Variants in AKAP9 observed in about 807,000 individuals in gnomAD.
AKAP9 encodes the protein A-kinase anchor protein 9.
In AKAP9, 311 loss-of-function variants were observed where a neutral mutation model predicts 488.5. The ratio of observed to expected loss-of-function variants is 0.64; its 90% CI spans 0.58 to 0.70. The LOEUF (loss-of-function observed/expected upper bound fraction) is 0.70. AKAP9 is among the 30% of genes least tolerant of loss of function. The probability of loss-of-function intolerance (pLI) is 0.00; values close to 1 mark genes in which losing one functional copy is unlikely to be tolerated. For synonymous variants in AKAP9, 1,462 were observed against 1,483.5 expected, an observed-to-expected ratio of 0.99 and a Z score of 0.33; for missense variants, 4,215 against 4,374.5, an observed-to-expected ratio of 0.96 and a Z score of 1.03.
chr7:91,971,333 A>G (rs1310805232), intron 1 of AKAP9, among the ~76,000 whole-genome samples: 2 of 152,186 alleles, frequency 1.3e-5, no homozygotes, highest in South Asian at 2.1e-4. Context: ...TTTATAAAAA[A>G]CTTTTAATCT....
intron 39 of AKAP9, among the ~76,000 whole-genome samples, chr7:92,093,629 T>G (rs142431066): frequency 8.5e-5 from 13 of 152,108 alleles, no homozygotes; most frequent in African/African-American, 3.1e-4. Flanking sequence ...GAATTCATGA[T>G]TGAGTGAGCT....
rs1389939871 is a variant in AKAP9, at chr7:92,016,157, A to G, written c.3641A>G (p.Tyr1214Cys). 6.2e-7 allele frequency: 1 copy of G among 1,604,362 alleles called. No homozygotes were observed. The highest frequency in any genetic ancestry group is 8.5e-7 in the Non-Finnish European group (1 of 1,171,840). The stretch of plus-strand genomic sequence containing the variant: ...TTATGCAGTGTCCTTGGTGAATATT[A>G]TACTCCTGCTTTAAAATGTGAAGTA... ...QTLCSVLGEYYTPALKCEVNA... is the reference protein window; with the variant it reads ...QTLCSVLGEYCTPALKCEVNA... The change falls in exon 11 of 50, where the codon TAT (tyrosine) becomes TGT (cysteine). Residue 1214 changes from tyrosine (Y) to cysteine (C), a missense_variant. Physicochemically the swap from Tyr to Cys is radical, Grantham distance 194. This residue lies in a region of AKAP9 where 2,361 missense variants were observed against 2,430.0 expected (regional missense o/e 0.97). Coordinates refer to ENST00000356239, the MANE Select transcript of AKAP9 (RefSeq NM_005751.5).
In AKAP9 at chr7:92,085,535, T is replaced by C; in HGVS notation, c.8873T>C (p.Leu2958Pro). The change falls in exon 36 of 50, where the codon CTT becomes CCT. Residue 2958 changes from leucine (L) to proline (P), a missense_variant. Physicochemically the swap from Leu to Pro is moderately conservative, Grantham distance 98 (BLOSUM62 -3). Transcript: ENST00000356239. Reference protein sequence around the residue: ...RAVHNEGMQVLSLTESPYSDG... With the variant: ...RAVHNEGMQVPSLTESPYSDG... ...GTCCATAATGAAGGCATGCAGGTGC[T>C]TTCTCTCACTGAGTCTCCCTATAGT... is the stretch of plus-strand genomic sequence containing the variant. The C allele has an allele frequency of 6.2e-7, 1 of 1,614,092 alleles. No individual in the cohort carries two copies. The highest frequency in any genetic ancestry group is 1.3e-5 in the African/African-American group (1 of 75,026).
intron 8 of AKAP9, among the ~76,000 whole-genome samples, chr7:92,010,334 T>G (rs891605566): frequency 6.6e-6 from 1 of 152,246 alleles, no homozygotes; most frequent in African/African-American, 2.4e-5. Context: ...CCTTTGATCA[T>G]TCGCAGGACT....
chr7:92,024,709 C>G (rs1364751406), intron 14 of AKAP9, among the ~76,000 whole-genome samples: 2 of 152,042 alleles, frequency 1.3e-5, no homozygotes, highest in Admixed American at 1.3e-4. Flanking sequence ...CTCTATAAAA[C>G]CCTCAGAGAT....
chr7:91,979,430 C>T (rs1358130388), intron 2 of AKAP9, among the ~76,000 whole-genome samples: 1 of 152,084 alleles, frequency 6.6e-6, no homozygotes, highest in Non-Finnish European at 1.5e-5. Context: ...ACTTATCTCC[C>T]ACCAGGTCTC....
At chr7:92,030,036 A>AT (rs759300255) in intron 15 of AKAP9, 45 bp downstream of exon 15, 2 of 1,280,076 alleles carry the variant, frequency 1.6e-6, no homozygotes, top group Non-Finnish European at 1.1e-6. Flanking sequence ...ATATACACTG[A>AT]TTTTTCTATC....
intron 16 of AKAP9, among the ~76,000 whole-genome samples, chr7:92,032,342 C>G (rs1047499712): frequency 1.3e-5 from 2 of 151,848 alleles, no homozygotes; most frequent in Non-Finnish European, 2.9e-5. Context: ...ACTAAAAATA[C>G]AAAATTAGCC....
chr7:92,034,497 T>TAG (rs1445914015), intron 16 of AKAP9, among the ~76,000 whole-genome samples: 2 of 74,038 alleles, frequency 2.7e-5, no homozygotes, highest in African/African-American at 5.6e-5. Context: ...TATATATATA[T>TAG]ATTTTTTTTT....
In AKAP9 at chr7:91,995,694, A is replaced by G; in HGVS notation, c.824A>G (p.Gln275Arg). 6.2e-7 allele frequency: 1 copy of G among 1,614,084 alleles called. No homozygotes were observed. Among genetic ancestry groups the G allele is most frequent in the South Asian group, 1.1e-5 (1 of 91,086 alleles). Residue 275 changes from glutamine (Q) to arginine (R), a missense_variant, in exon 7 of 50, where the codon CAG becomes CGG. Physicochemically the swap from Gln to Arg is conservative, Grantham distance 43 (BLOSUM62 1). Transcript: ENST00000356239. The part of the protein sequence containing the change: ...QAKQQILTHQ[Q>R]QLEEQDHLLE... ...AAACAACAGATCCTCACTCATCAAC[A>G]GCAGCTTGAAGAACAAGACCACTTA...
intron 22 of AKAP9, chr7:92,057,756 T>C: frequency 4.5e-6 from 1 of 223,494 alleles, no homozygotes; most frequent in Non-Finnish European, 8.9e-6. Flanking sequence ...TACTTATTAC[T>C]ACAGACATCG....
chr7:91,992,176 G>T lies in AKAP9; in HGVS notation c.370G>T (p.Val124Leu), dbSNP rs1395412320. The change falls in exon 4 of 50, where the codon GTG becomes TTG. Residue 124 changes from valine to leucine, a missense_variant. This residue lies in a region of AKAP9 where 2,361 missense variants were observed against 2,430.0 expected (regional missense o/e 0.97). Transcript: ENST00000356239. ...TATACAGGTAAATGGTTGCAGTTTT[G>T]TGATGAGAACAGGAAAGCCTACAAA... ...CSSEVNGCSF[V>L]MRTGKPTNLL... 1 of 1,609,720 alleles carries T rather than the reference G, an allele frequency of 6.2e-7. No homozygotes were observed. The highest frequency in any genetic ancestry group is 1.7e-5 in the Admixed American group (1 of 59,994).
chr7:92,002,533 CAAAG>C lies in AKAP9; in HGVS notation c.2617_2620del (p.Lys873Ter). On this transcript the variant is annotated frameshift_variant, in exon 8 of 50. Transcript: ENST00000356239. LOFTEE classifies it high-confidence loss of function. ...TACAAGAGGAGTATGCTTGCCTTCT[CAAAG>C]TAAAAGATGATTTAGAAGACAGTAA... is the stretch of plus-strand genomic sequence containing the variant. 1 of 1,609,954 alleles carries C rather than the reference CAAAG, an allele frequency of 6.2e-7. No homozygotes were observed. Among genetic ancestry groups the C allele is most frequent in the Non-Finnish European group, 8.5e-7 (1 of 1,178,350 alleles).
chr7:91,947,157 G>GGT (rs773445421), intron 1 of AKAP9, among the ~76,000 whole-genome samples: 14 of 120,896 alleles, frequency 1.2e-4, no homozygotes, highest in South Asian at 5.8e-4. Flanking sequence ...TGGTGTCTGG[G>GGT]GTGTGTGTGT....
At chr7:92,050,063 C>CTTTT (rs35146687) in intron 21 of AKAP9, among the ~76,000 whole-genome samples, 5 of 129,742 alleles carry the variant, frequency 3.9e-5, no homozygotes, top group African/African-American at 8.3e-5. Flanking sequence ...TTTCAGCAAA[C>CTTTT]TTTTTTTTTT....
intron 20 of AKAP9, among the ~76,000 whole-genome samples, chr7:92,043,715 G>A (rs1352486257): frequency 1.3e-5 from 2 of 152,050 alleles, no homozygotes; most frequent in Non-Finnish European, 2.9e-5. Flanking sequence ...CTTGATCTAG[G>A]TGCAAAAATA....
intron 15 of AKAP9, among the ~76,000 whole-genome samples, chr7:92,030,231 A>G (rs1197542190): frequency 6.6e-6 from 1 of 152,232 alleles, no homozygotes; most frequent in African/African-American, 2.4e-5. Context: ...AATATGTTAT[A>G]GTTTAAGATT....
chr7:92,049,047 G>C (rs1807473823), intron 21 of AKAP9, among the ~76,000 whole-genome samples: 1 of 152,154 alleles, frequency 6.6e-6, no homozygotes, highest in Admixed American at 6.5e-5. Context: ...GGCAGAGAAG[G>C]CTTTATCACA....
Position 92,012,659 on chromosome 7 carries a change from C to T in AKAP9, c.3532+17C>T, listed in dbSNP as rs1204613430. The T allele has an allele frequency of 1.3e-6, 2 of 1,571,206 alleles. No individual in the cohort carries two copies. The highest frequency in any genetic ancestry group is 2.7e-5 in the African/African-American group (2 of 73,874). On this transcript the variant is annotated intron_variant, in intron 9 of 49. Coordinates refer to ENST00000356239, the MANE Select transcript of AKAP9 (RefSeq NM_005751.5). ...AAGAAACAGGTAAAATGGTTTCTGA[C>T]TTATAAGTACCATGATCCAAATAAG...
Sources: gnomAD v4.1 joint callset for allele counts (sites outside exome capture counted in the v4.1 genomes callset) on GRCh38, gnomAD v4.1.1 for gene constraint, gnomAD v4.1.1 regional missense constraint, MANE v1.5 for transcripts, NCBI Gene and HGNC (gene_info 2026-07-23, HGNC 2026-07-21) for gene names.